Variants in GRIP2 observed in about 807,000 individuals in gnomAD.
The protein encoded by GRIP2 is glutamate receptor-interacting protein 2.
In GRIP2, 58 loss-of-function variants were observed where a neutral mutation model predicts 108.3. The ratio of observed to expected loss-of-function variants is 0.54; its 90% confidence interval spans 0.43 to 0.67. The LOEUF (loss-of-function observed/expected upper bound fraction) is 0.67, where lower values mean the gene tolerates loss of function less well. Ranked by LOEUF, GRIP2 falls within the 30% of genes least tolerant of loss-of-function variation. The probability of loss-of-function intolerance (pLI) is 0.00; values close to 1 mark genes in which losing one functional copy is unlikely to be tolerated. For missense variants in GRIP2, 1,278 were observed against 1,430.6 expected (o/e 0.89, Z 1.72); for synonymous variants, 586 against 598.2 (o/e 0.98, Z 0.30).
At chr3:14,513,518 T>C (rs1694157894) in intron 13 of GRIP2, 147 bp downstream of exon 13, 2 of 1,122,532 alleles carry the variant, frequency 1.8e-6, no homozygotes, top group Admixed American at 2.8e-5. Flanking sequence ...AGGCTTCCCT[T>C]CCCACTATAA....
rs1693897753 is a variant in GRIP2, at chr3:14,505,607, C to T, written c.2573+8G>A. On this transcript the variant is annotated splice_region_variant and intron_variant, in intron 20 of 23. Coordinates refer to ENST00000621039, the MANE Select transcript of GRIP2 (RefSeq NM_001080423.4). The surrounding 1 kb of genome is among the most constrained non-coding windows in gnomAD (Gnocchi z 4.2). ...TCCCTCCTCCTTCACGGTGCTCCCACCACAGACCTCGTTGGCGGCTCCCAA... is the reference window on the plus strand; with the variant it reads ...TCCCTCCTCCTTCACGGTGCTCCCATCACAGACCTCGTTGGCGGCTCCCAA... 6.2e-7 allele frequency: 1 copy of T among 1,608,010 alleles called. No individual in the cohort carries two copies. Among genetic ancestry groups the T allele is most frequent in the South Asian group, 1.1e-5 (1 of 89,658 alleles).
intron 1 of GRIP2, among the ~76,000 whole-genome samples, chr3:14,551,810 ACTT>A (rs1278211810): frequency 6.6e-6 from 1 of 152,170 alleles, no homozygotes; most frequent in Non-Finnish European, 1.5e-5. Flanking sequence ...ATGCTCTACT[ACTT>A]CTTTCCTAGG....
chr3:14,593,158 T>A, the GRIP2 span, among the ~76,000 whole-genome samples: 1 of 152,222 alleles, frequency 6.6e-6, no homozygotes, highest in Admixed American at 6.5e-5. Context: ...CCAGCACAGC[T>A]CAGGTGCCAA....
chr3:14,547,696 C>T (rs540800394), intron 1 of GRIP2, among the ~76,000 whole-genome samples: 9 of 152,302 alleles, frequency 5.9e-5, no homozygotes, highest in African/African-American at 1.9e-4. Flanking sequence ...CCCCATCCTC[C>T]TCCCCTCAGG....
the GRIP2 span, among the ~76,000 whole-genome samples, chr3:14,586,465 C>CA: frequency 6.6e-6 from 1 of 152,206 alleles, no homozygotes; most frequent in Non-Finnish European, 1.5e-5. Context: ...GCAGGAGAGG[C>CA]AGCAAATGCC....
chr3:14,574,833 A>C, the GRIP2 span: 1 of 332,106 alleles, frequency 3.0e-6, no homozygotes, highest in Non-Finnish European at 5.8e-6. Context: ...AAGAATGTGC[A>C]ACATACAACA....
intron 1 of GRIP2, among the ~76,000 whole-genome samples, chr3:14,549,831 T>G (rs1324024745): frequency 6.6e-6 from 1 of 152,134 alleles, no homozygotes; most frequent in African/African-American, 2.4e-5. Flanking sequence ...AAGCCTTAAA[T>G]CACAGTTCAA....
In GRIP2 at chr3:14,523,582, C is replaced by G. The variant is rs1338504481; in HGVS notation, c.490+30G>C. 5 of 1,454,240 alleles carry G rather than the reference C, an allele frequency of 3.4e-6. No individual in the cohort carries two copies. In the East Asian group the frequency reaches 1.1e-4, roughly 33 times the overall value. 90.1% of individuals were successfully genotyped at this position (1,454,240 alleles called of 1,614,324 possible). ...TTAGTATTAGCCTCTTTCTTGCTGCCCCAATACCAAGGGCAATTCTTTCAC... is the reference window on the plus strand; with the variant it reads ...TTAGTATTAGCCTCTTTCTTGCTGCGCCAATACCAAGGGCAATTCTTTCAC... On this transcript the variant is annotated intron_variant, in intron 5 of 23. Coordinates refer to ENST00000621039, the MANE Select transcript of GRIP2 (RefSeq NM_001080423.4).
chr3:14,523,207 T>A (rs1694461391), intron 5 of GRIP2, 132 bp from the exon 6 acceptor site: 1 of 684,662 alleles, frequency 1.5e-6, no homozygotes, highest in African/African-American at 1.8e-5. Context: ...CCATGGACCC[T>A]CTTATGAGAC....
the GRIP2 span, among the ~76,000 whole-genome samples, chr3:14,563,585 C>T: frequency 6.6e-6 from 1 of 151,986 alleles, no homozygotes; most frequent in Admixed American, 6.6e-5. Flanking sequence ...GATGTGGGAG[C>T]TTTGCCTGGG....
At chr3:14,548,244 C>T (rs1312320858) in intron 1 of GRIP2, among the ~76,000 whole-genome samples, 3 of 152,190 alleles carry the variant, frequency 2.0e-5, no homozygotes, top group African/African-American at 2.4e-5. Flanking sequence ...CACGCAGGGC[C>T]GGGTTCCGCA....
the GRIP2 span, among the ~76,000 whole-genome samples, chr3:14,568,668 T>C: frequency 6.6e-6 from 1 of 152,104 alleles, no homozygotes; most frequent in South Asian, 2.1e-4. Flanking sequence ...AGAGCAAAAC[T>C]GGGAAGGGGT....
Position 14,540,336 on chromosome 3 carries a change from C to T in GRIP2, c.-28G>A. On this transcript the variant is annotated 5_prime_UTR_variant, in exon 1 of 24. In the 5' UTR this introduces an upstream ATG that the reference lacks. Transcript: ENST00000621039. The surrounding 1 kb of genome is among the most constrained non-coding windows in gnomAD (Gnocchi z 4.1). ...TCGCTATTGTCTCCCCTGCTGCCCA[C>T]CAACTCCCTCGGGAGCCACGCTGCT... 1 of 1,613,222 alleles carries T rather than the reference C, an allele frequency of 6.2e-7. No homozygotes were observed. Among genetic ancestry groups the T allele is most frequent in the Middle Eastern group, 1.7e-4 (1 of 6,060 alleles).
intron 1 of GRIP2, among the ~76,000 whole-genome samples, chr3:14,532,798 T>C (rs1694743965): frequency 6.6e-6 from 1 of 150,654 alleles, no homozygotes. Context: ...TCCTGTAGAG[T>C]TGAGGGCGGG....
At chr3:14,560,957 G>A (rs1695306634), upstream of GRIP2, among the ~76,000 whole-genome samples, 1 of 152,146 alleles carries the variant, frequency 6.6e-6, no homozygotes, top group African/African-American at 2.4e-5. Flanking sequence ...GGACCCCTGG[G>A]CCCTCAACTT....
At chr3:14,526,017 G>T in intron 1 of GRIP2, 86 bp from the exon 2 acceptor site, 2 of 1,217,312 alleles carry the variant, frequency 1.6e-6, no homozygotes, top group South Asian at 1.3e-5. Flanking sequence ...TTTCCACTCT[G>T]TGGACGTGGC....
At chr3:14,550,821 C>A (rs771458428) in intron 1 of GRIP2, among the ~76,000 whole-genome samples, 3 of 152,206 alleles carry the variant, frequency 2.0e-5, no homozygotes, top group East Asian at 1.9e-4. Flanking sequence ...TGAGACACAG[C>A]GAGGAGCAAG....
chr3:14,572,199 C>T, the GRIP2 span, among the ~76,000 whole-genome samples: 1 of 151,944 alleles, frequency 6.6e-6, no homozygotes, highest in Non-Finnish European at 1.5e-5. Flanking sequence ...TTGAAACAAA[C>T]TGAAAGTCCA....
intron 17 of GRIP2, among the ~76,000 whole-genome samples, 191 bp downstream of exon 17, chr3:14,509,627 GGC>G (rs1190482672): frequency 6.6e-6 from 1 of 152,260 alleles, no homozygotes; most frequent in Non-Finnish European, 1.5e-5. Flanking sequence ...CCTCTGCCCT[GGC>G]AGGCAGGGGC....
Sources: gnomAD v4.1 joint callset for allele counts (sites outside exome capture counted in the v4.1 genomes callset) on GRCh38, gnomAD v4.1.1 for gene constraint, Gnocchi (gnomAD v3.1) non-coding constraint, MANE v1.5 for transcripts, NCBI Gene and HGNC (gene_info 2026-07-23, HGNC 2026-07-21) for gene names.